The following AHRR variants were observed in gnomAD, a reference collection of about 807,000 sequenced individuals.
AHRR encodes ahR repressor.
In AHRR, 28 loss-of-function variants were observed where a neutral mutation model predicts 44.0. The observed-to-expected ratio is 0.64, with a 90% CI of 0.47 to 0.87. The LOEUF is 0.87. AHRR is among the 40% of genes least tolerant of loss of function. AHRR has a pLI of 0.00. For synonymous variants in AHRR, 434 were observed against 407.0 expected (o/e 1.07, Z -0.80); for missense variants, 990 against 953.9 (o/e 1.04, Z -0.50).
chr5:382,109 C>CT (rs576272401), intron 4 of AHRR, among the ~76,000 whole-genome samples: 29 of 152,236 alleles, frequency 1.9e-4, no homozygotes, highest in African/African-American at 6.7e-4. Context: ...ATGAGAAATA[C>CT]TTTTTGTGGT....
In AHRR at chr5:370,810, C is replaced by T. The variant is rs986306667; in HGVS notation, c.245-5800C>T. On this transcript the variant is annotated intron_variant, in intron 3 of 10. Coordinates refer to ENST00000684583, the MANE Select transcript of AHRR (RefSeq NM_001377236.1). The surrounding 1 kb of genome is among the most constrained non-coding windows in gnomAD (Gnocchi z 4.5). Reference sequence around the variant, plus strand: ...TTCCCATCATGCTTGTCCGACCTCCCTGGGTGGCTGGAGGAGGAAGTGATC... The same window carrying T: ...TTCCCATCATGCTTGTCCGACCTCCTTGGGTGGCTGGAGGAGGAAGTGATC... 2.0e-5 allele frequency among the ~76,000 whole-genome samples: 3 copies of T among 152,138 alleles called. No homozygotes were observed. The highest frequency in any genetic ancestry group is 2.9e-5 in the Non-Finnish European group (2 of 68,014).
chr5:355,533 G>C (rs1456748203), intron 3 of AHRR, among the ~76,000 whole-genome samples: 1 of 152,194 alleles, frequency 6.6e-6, no homozygotes, highest in East Asian at 1.9e-4. Flanking sequence ...CCTCTCGCTG[G>C]GAGGTTGGAG....
intron 8 of AHRR, among the ~76,000 whole-genome samples, chr5:429,598 C>G (rs894501813): frequency 1.3e-5 from 2 of 152,234 alleles, no homozygotes; most frequent in Non-Finnish European, 2.9e-5. Flanking sequence ...GCTGCAGGCC[C>G]AGGCCCTGGT....
rs1369715403 is a variant in AHRR, at chr5:342,710, T to C, written c.-10-1183T>C. On this transcript the variant is annotated intron_variant, in intron 1 of 10. Coordinates refer to ENST00000684583, the MANE Select transcript of AHRR (RefSeq NM_001377236.1). This position sits in a 1 kb window ranked among gnomAD's most constrained non-coding sequence, Gnocchi z 4.3. The stretch of plus-strand genomic sequence containing the variant: ...TTCTGGCCCAGAGCCTGGCACGGGA[T>C]GGTTACTGCACACAGGTCTGCAGAA... 6.6e-6 allele frequency among the ~76,000 whole-genome samples: 1 copy of C among 152,222 alleles called. No individual in the cohort carries two copies. Among genetic ancestry groups the C allele is most frequent in the Non-Finnish European group, 1.5e-5 (1 of 68,038 alleles).
At chr5:340,688 A>ATATATTTTT (rs1269938749) in intron 1 of AHRR, among the ~76,000 whole-genome samples, 2 of 12,928 alleles carry the variant, frequency 1.5e-4, no homozygotes, top group African/African-American at 8.0e-4. Context: ...ATATATATAT[A>ATATATTTTT]TTTTTTTTTT....
At chr5:334,007 G>A (rs899295951) in intron 1 of AHRR, among the ~76,000 whole-genome samples, 3 of 152,150 alleles carry the variant, frequency 2.0e-5, no homozygotes, top group Non-Finnish European at 4.4e-5. Context: ...ATTGTTGGCC[G>A]AAAGTTTTTT....
chr5:373,817 G>C lies in AHRR; in HGVS notation c.245-2793G>C, dbSNP rs2126436654. Reference sequence around the variant, plus strand: ...CCGCCACGCGCCTGGCGCTCCCCGCGCTCCTGGGGCTCCTGGCGCCCTGCC... The same window carrying C: ...CCGCCACGCGCCTGGCGCTCCCCGCCCTCCTGGGGCTCCTGGCGCCCTGCC... On this transcript the variant is annotated intron_variant, in intron 3 of 10. Coordinates refer to ENST00000684583, the MANE Select transcript of AHRR (RefSeq NM_001377236.1). Among the ~76,000 whole-genome samples, 2 of 151,044 alleles carry C rather than the reference G, an allele frequency of 1.3e-5. 1 individual carries two copies. The highest frequency in any genetic ancestry group is 6.8e-3 in the Middle Eastern group (2 of 292).
intron 1 of AHRR, among the ~76,000 whole-genome samples, chr5:336,594 G>A (rs1742135635): frequency 6.6e-6 from 1 of 152,156 alleles, no homozygotes; most frequent in African/African-American, 2.4e-5. Flanking sequence ...TCTGTGGGTT[G>A]CCTCTTCACT....
chr5:340,846 G>A (rs1271982725), intron 1 of AHRR, among the ~76,000 whole-genome samples: 2 of 147,050 alleles, frequency 1.4e-5, no homozygotes, highest in African/African-American at 2.5e-5. Flanking sequence ...ACAGGCATGC[G>A]CCACCATGCC....
intron 1 of AHRR, among the ~76,000 whole-genome samples, chr5:324,196 A>G (rs1017780534): frequency 2.6e-5 from 4 of 151,430 alleles, no homozygotes; most frequent in Admixed American, 2.6e-4. Context: ...AGTAGCTGGG[A>G]CTACAGGTGT....
At chr5:385,430 C>G (rs1308546250) in intron 4 of AHRR, among the ~76,000 whole-genome samples, 1 of 152,204 alleles carries the variant, frequency 6.6e-6, no homozygotes, top group Admixed American at 6.5e-5. Context: ...CTGCCTCAGC[C>G]TCCCAAAGTG....
At chr5:376,557 A>AACGCGGGGAAACACAGGCAAGAT (rs368685976) in intron 3 of AHRR, 53 bp from the exon 4 acceptor site, 4 of 1,429,198 alleles carry the variant, frequency 2.8e-6, no homozygotes, top group Admixed American at 4.5e-5. Context: ...AATGAAGAAG[A>AACGCGGGGAAACACAGGCAAGAT]GTGGCCAGGC....
Position 422,854 on chromosome 5 carries a change from G to C in AHRR, c.567G>C (p.Glu189Asp). Residue 189 changes from glutamate (E) to aspartate (D), a missense_variant, in exon 6 of 11, where the codon GAG becomes GAC. Physicochemically the swap from Glu to Asp is conservative, Grantham distance 45. Transcript: ENST00000684583. ...QVVFGQPPPL[E>D]TGDDAILGRL... ...TGTTTGGGCAGCCCCCGCCCTTGGAGACAGGTGGGTGTCTGGGGTCCAAGT... is the reference window on the plus strand; with the variant it reads ...TGTTTGGGCAGCCCCCGCCCTTGGACACAGGTGGGTGTCTGGGGTCCAAGT... 6.2e-7 allele frequency: 1 copy of C among 1,610,704 alleles called. No homozygotes were observed. Among genetic ancestry groups the C allele is most frequent in the Non-Finnish European group, 8.5e-7 (1 of 1,177,888 alleles).
In AHRR at chr5:438,076, A is replaced by G. The variant is rs1482170760; in HGVS notation, c.*3242A>G. ...GGAAGGGAGGAGATCAATACAACTT[A>G]TATTTTTGCAGTTTCTACTGGAAGA... On this transcript the variant is annotated 3_prime_UTR_variant, in exon 11 of 11. Transcript: ENST00000684583. The G allele has an allele frequency of 7.9e-5, 12 of 152,360 alleles. No homozygotes were observed. The highest frequency in any genetic ancestry group is 7.2e-4 in the Admixed American group (11 of 15,280). The allele number at this position is 152,360 out of a possible 1,614,324, so 9.4% of individuals were successfully genotyped here. A position where few individuals can be genotyped will look rare whatever the true frequency, so the allele number is the denominator to read the frequency against.
chr5:366,158 G>C (rs1743354835), intron 3 of AHRR, among the ~76,000 whole-genome samples: 1 of 151,838 alleles, frequency 6.6e-6, no homozygotes, highest in Non-Finnish European at 1.5e-5. Context: ...TCAGATGTTG[G>C]TTTCTAAATG....
At chr5:379,750 T>C (rs991390328) in intron 4 of AHRR, among the ~76,000 whole-genome samples, 1 of 152,268 alleles carries the variant, frequency 6.6e-6, no homozygotes, top group Non-Finnish European at 1.5e-5. Flanking sequence ...CTTTCTCATA[T>C]GTATGATTTA....
chr5:424,029 A>C (rs1579703581), intron 7 of AHRR, 52 bp downstream of exon 7: 1 of 1,562,986 alleles, frequency 6.4e-7, no homozygotes, highest in South Asian at 1.2e-5. Flanking sequence ...GATGCATTCT[A>C]CCCTGGTGTG....
intron 4 of AHRR, among the ~76,000 whole-genome samples, chr5:398,877 C>G (rs1229880652): frequency 6.6e-6 from 1 of 152,188 alleles, no homozygotes; most frequent in Admixed American, 6.5e-5. Context: ...CCCGTCTGTT[C>G]TGGGTGGATT....
intron 10 of AHRR, among the ~76,000 whole-genome samples, chr5:433,543 T>A (rs1271033824): frequency 6.6e-6 from 1 of 152,166 alleles, no homozygotes; most frequent in Non-Finnish European, 1.5e-5. Context: ...CCCCTAACGC[T>A]AGTGACTGGT....
Sources: allele counts gnomAD v4.1 joint callset (sites outside exome capture counted in the v4.1 genomes callset), GRCh38; gene constraint gnomAD v4.1.1; non-coding constraint Gnocchi (gnomAD v3.1); transcripts MANE v1.5; gene names NCBI Gene and HGNC (gene_info 2026-07-23, HGNC 2026-07-21).